Variants in OPCML observed in about 807,000 individuals in gnomAD.
The protein encoded by OPCML is opioid binding protein/cell adhesion molecule like.
In OPCML, 13 loss-of-function variants were observed where a neutral mutation model predicts 37.8. That is an observed-to-expected ratio of 0.34 (90% confidence interval 0.22 to 0.55). OPCML has a LOEUF of 0.55. Among genes scored for constraint, OPCML ranks in the 20% least tolerant of loss-of-function variants. The probability of loss-of-function intolerance (pLI) is 0.91; values close to 1 mark genes in which losing one functional copy is unlikely to be tolerated. For missense variants in OPCML, 341 were observed against 435.6 expected (o/e 0.78, Z 1.93); for synonymous variants, 176 against 168.8 (o/e 1.04, Z -0.33).
At chr11:132,420,318 C>T (rs1332647296) in intron 7 of OPCML, 25 bp from the exon 8 acceptor site, 3 of 1,612,468 alleles carry the variant, frequency 1.9e-6, no homozygotes, top group Middle Eastern at 1.7e-4. Context: ...GAGAGACAGA[C>T]CCATTAGCAT....
chr11:133,091,963 CA>C (rs1449728305), intron 1 of OPCML, among the ~76,000 whole-genome samples: 8 of 152,090 alleles, frequency 5.3e-5, no homozygotes, highest in African/African-American at 1.7e-4. Context: ...GAATATCTTC[CA>C]AAATTCGTGT....
At chr11:132,701,755 TTGATGATTGTGTGTGTGTGTGTGTGTG>T (rs1490327211) in intron 2 of OPCML, among the ~76,000 whole-genome samples, 1 of 132,376 alleles carries the variant, frequency 7.6e-6, no homozygotes, top group Non-Finnish European at 1.6e-5. Context: ...TCTTTGCAAT[TTGATGATTGTGTGTGTGTGTGTGTGTG>T]TGTGTGTGTG....
chr11:133,044,001 C>A (rs552294074), intron 1 of OPCML, among the ~76,000 whole-genome samples: 1 of 152,346 alleles, frequency 6.6e-6, no homozygotes, highest in Non-Finnish European at 1.5e-5. Context: ...GGCTTACCAT[C>A]TTGTGGCAGA....
intron 1 of OPCML, among the ~76,000 whole-genome samples, chr11:133,471,890 AC>A (rs930655506): frequency 2.6e-5 from 4 of 152,140 alleles, no homozygotes; most frequent in African/African-American, 7.2e-5. Context: ...GGTCCCTGCA[AC>A]CCTGACCAGC....
At chr11:133,236,268 T>C (rs900695649) in intron 1 of OPCML, among the ~76,000 whole-genome samples, 2 of 152,154 alleles carry the variant, frequency 1.3e-5, no homozygotes, top group Admixed American at 6.6e-5. Context: ...AGTGTGGAGA[T>C]GCTGGACAAA....
At chr11:133,444,818 G>C (rs1003863554) in intron 1 of OPCML, among the ~76,000 whole-genome samples, 3 of 145,400 alleles carry the variant, frequency 2.1e-5, no homozygotes, top group South Asian at 2.1e-4. Flanking sequence ...GCATGCAGCT[G>C]TATCCATGGT....
intron 1 of OPCML, among the ~76,000 whole-genome samples, chr11:133,400,609 A>G (rs1182128853): frequency 6.6e-6 from 1 of 152,234 alleles, no homozygotes; most frequent in Non-Finnish European, 1.5e-5. Context: ...GGCAAACTTT[A>G]TGTTATGTTA....
At chr11:132,763,249 G>T (rs915741696) in intron 2 of OPCML, among the ~76,000 whole-genome samples, 1 of 152,084 alleles carries the variant, frequency 6.6e-6, no homozygotes, top group African/African-American at 2.4e-5. Flanking sequence ...GACCAAAGCT[G>T]TTTCTATTCG....
chr11:133,193,063 A>C (rs1382122026), intron 1 of OPCML, among the ~76,000 whole-genome samples: 2 of 152,148 alleles, frequency 1.3e-5, no homozygotes, highest in African/African-American at 4.8e-5. Context: ...TGACCAAAAA[A>C]AACCAGAATT....
At chr11:132,835,864 G>A (rs751868883) in intron 2 of OPCML, among the ~76,000 whole-genome samples, 6 of 152,226 alleles carry the variant, frequency 3.9e-5, no homozygotes, top group South Asian at 4.1e-4. Context: ...CCAGAACATC[G>A]TCCTGTATCA....
chr11:132,455,995 T>A lies in OPCML; in HGVS notation c.506-18636A>T, dbSNP rs1013907181. Among the ~76,000 whole-genome samples the A allele has an allele frequency of 7.9e-5, 12 of 152,244 alleles. 1 individual carries two copies. Among genetic ancestry groups the A allele is most frequent in the African/African-American group, 2.9e-4 (12 of 41,540 alleles). On this transcript the variant is annotated intron_variant, in intron 4 of 7. Transcript: ENST00000524381. ...ATTAAAATTTTATCGAGTTGCAAAA[T>A]CTGAGCTGCTATTTTGGGGTTGGGG...
At position 133,035,231 on chromosome 11, in the gene OPCML, G is replaced by A. The variant is rs190071090; in HGVS notation, c.62-92221C>T. 2.4e-3 allele frequency among the ~76,000 whole-genome samples: 359 copies of A among 152,310 alleles called. 1 individual carries two copies. The highest frequency in any genetic ancestry group is 8.2e-3 in the African/African-American group (342 of 41,576). On this transcript the variant is annotated intron_variant, in intron 1 of 7. Coordinates refer to ENST00000524381, the MANE Select transcript of OPCML (RefSeq NM_001012393.5). ...GGCTTGCCACCCTATCTGTCATGTC[G>A]CCGAGGGCAGCAGCAATGCTGCCTC...
chr11:133,431,278 C>A (rs1162604688), intron 1 of OPCML, among the ~76,000 whole-genome samples: 1 of 152,110 alleles, frequency 6.6e-6, no homozygotes, highest in Non-Finnish European at 1.5e-5. Flanking sequence ...AAAATAGTCA[C>A]ATTGTGTCAA....
At chr11:133,377,964 T>C (rs1944851951) in intron 1 of OPCML, among the ~76,000 whole-genome samples, 1 of 152,244 alleles carries the variant, frequency 6.6e-6, no homozygotes, top group Non-Finnish European at 1.5e-5. Context: ...GTTTTTCTGC[T>C]GGACAGCACT....
chr11:133,046,282 G>T (rs1948013666), intron 1 of OPCML, among the ~76,000 whole-genome samples: 2 of 152,218 alleles, frequency 1.3e-5, no homozygotes, highest in Admixed American at 1.3e-4. Flanking sequence ...TTCTTTGGAA[G>T]GAGGCAGTGT....
In OPCML at chr11:132,474,816, A is replaced by G. The variant is rs565841241; in HGVS notation, c.506-37457T>C. On this transcript the variant is annotated intron_variant, in intron 4 of 7. Coordinates refer to ENST00000524381, the MANE Select transcript of OPCML (RefSeq NM_001012393.5). ...TCTGGTTCCTGTGGGCCTGTCTTCC[A>G]AAGTCGTGGATTGCAGTCACTATGG... Among the ~76,000 whole-genome samples, 6 of 152,314 alleles carry G rather than the reference A, an allele frequency of 3.9e-5. No individual in the cohort carries two copies. In the East Asian group the frequency reaches 5.8e-4, roughly 15 times the overall value.
intron 2 of OPCML, among the ~76,000 whole-genome samples, chr11:132,820,293 C>T (rs977808160): frequency 6.6e-6 from 1 of 152,062 alleles, no homozygotes; most frequent in African/African-American, 2.4e-5. Context: ...ATTCTGTCAA[C>T]CACAAAGGAA....
At chr11:133,224,877 T>A (rs1055023472) in intron 1 of OPCML, among the ~76,000 whole-genome samples, 4 of 152,206 alleles carry the variant, frequency 2.6e-5, no homozygotes, top group African/African-American at 9.7e-5. Context: ...CCTCTTTCCA[T>A]CATCCTCCTA....
At chr11:132,922,456 G>A (rs1480366470) in intron 2 of OPCML, among the ~76,000 whole-genome samples, 1 of 152,070 alleles carries the variant, frequency 6.6e-6, no homozygotes, top group Non-Finnish European at 1.5e-5. Context: ...AAAGCCACAG[G>A]AGCAAAAGCA....
Sources: gnomAD v4.1 joint callset for allele counts (sites outside exome capture counted in the v4.1 genomes callset) on GRCh38, gnomAD v4.1.1 for gene constraint, MANE v1.5 for transcripts, NCBI Gene and HGNC (gene_info 2026-07-23, HGNC 2026-07-21) for gene names.